The following BAIAP2L1 variants were observed in gnomAD, a reference collection of about 807,000 sequenced individuals.
BAIAP2L1 encodes BAR/IMD domain-containing adapter protein 2-like 1.
A neutral mutation model predicts 66.3 loss-of-function variants in BAIAP2L1; 35 were observed. The ratio of observed to expected loss-of-function variants is 0.53; its 90% CI spans 0.40 to 0.70. The LOEUF (loss-of-function observed/expected upper bound fraction) is 0.70, where lower values mean the gene tolerates loss of function less well. Ranked by LOEUF, BAIAP2L1 falls within the 30% of genes least tolerant of loss-of-function variation. The probability of loss-of-function intolerance (pLI) is 0.00; values close to 1 mark genes in which losing one functional copy is unlikely to be tolerated. For missense variants in BAIAP2L1, 622 were observed against 656.9 expected (o/e 0.95, Z 0.58); for synonymous variants, 269 against 248.7 (o/e 1.08, Z -0.77).
At chr7:98,327,377 T>TAAAA (rs1261345107) in intron 3 of BAIAP2L1, among the ~76,000 whole-genome samples, 2 of 144,156 alleles carry the variant, frequency 1.4e-5, no homozygotes. Context: ...AATAAATAAA[T>TAAAA]AAATAAATAA....
intron 1 of BAIAP2L1, among the ~76,000 whole-genome samples, chr7:98,372,470 CTT>C (rs970520498): frequency 1.3e-5 from 2 of 152,056 alleles, no homozygotes; most frequent in African/African-American, 4.8e-5. Context: ...TATTTTAGTG[CTT>C]TGTTTTTCTC....
At position 98,384,693 on chromosome 7, in the gene BAIAP2L1, CTTTTT is replaced by C. The variant is rs11413562; in HGVS notation, c.51+16104_51+16108del. On this transcript the variant is annotated intron_variant, in intron 1 of 13. Coordinates refer to ENST00000005260, the MANE Select transcript of BAIAP2L1 (RefSeq NM_018842.5). Reference sequence around the variant, plus strand: ...GACTCTGTGAGACAGATCATTCTACCTTTTTTTTTTTTTTTTTTTTGTGAGATGGA... The same window carrying C: ...GACTCTGTGAGACAGATCATTCTACCTTTTTTTTTTTTTTTGTGAGATGGA... 3.3e-3 allele frequency among the ~76,000 whole-genome samples: 387 copies of C among 118,796 alleles called. 1 individual carries two copies. Among genetic ancestry groups the C allele is most frequent in the Non-Finnish European group, 4.4e-3 (271 of 61,154 alleles). 77.9% of individuals were successfully genotyped at this position (118,796 alleles called of 152,430 possible).
At chr7:98,304,149 G>C (rs1800537907) in intron 12 of BAIAP2L1, 47 bp downstream of exon 12, 1 of 1,498,858 alleles carries the variant, frequency 6.7e-7, no homozygotes, top group South Asian at 1.3e-5. Context: ...TCCCAGTCGG[G>C]GATGGCGAGT....
At chr7:98,295,758 C>T (rs1800163532) in intron 12 of BAIAP2L1, among the ~76,000 whole-genome samples, 1 of 152,140 alleles carries the variant, frequency 6.6e-6, no homozygotes, top group Admixed American at 6.5e-5. Context: ...CACCCTCCAC[C>T]CACCCCAAGC....
chr7:98,301,665 G>A (rs960245136), intron 12 of BAIAP2L1, among the ~76,000 whole-genome samples: 1 of 151,806 alleles, frequency 6.6e-6, no homozygotes, highest in African/African-American at 2.4e-5. Context: ...AGATGATGGT[G>A]TGTGTGTGTG....
intron 2 of BAIAP2L1, among the ~76,000 whole-genome samples, chr7:98,355,879 A>C (rs1391355532): frequency 5.3e-5 from 8 of 152,106 alleles, no homozygotes. Flanking sequence ...GCAGTGCTTA[A>C]TTTTTCTATT....
At chr7:98,335,510 A>C (rs529446165) in intron 3 of BAIAP2L1, among the ~76,000 whole-genome samples, 1 of 152,238 alleles carries the variant, frequency 6.6e-6, no homozygotes, top group Non-Finnish European at 1.5e-5. Flanking sequence ...GTGGGGACCA[A>C]GTCTTATTAA....
At chr7:98,362,155 A>AC (rs2115725565) in intron 2 of BAIAP2L1, among the ~76,000 whole-genome samples, 1 of 152,276 alleles carries the variant, frequency 6.6e-6, no homozygotes, top group South Asian at 2.1e-4. Context: ...CACTTAGAGT[A>AC]CCCTCACTTT....
intron 1 of BAIAP2L1, among the ~76,000 whole-genome samples, chr7:98,394,249 A>T (rs926615488): frequency 2.0e-5 from 3 of 151,436 alleles, no homozygotes; most frequent in African/African-American, 7.3e-5. Flanking sequence ...TCAAAAACAA[A>T]CAAACAAACA....
chr7:98,399,918 G>A (rs915255416), intron 1 of BAIAP2L1: 1 of 152,214 alleles, frequency 6.6e-6, no homozygotes, highest in Non-Finnish European at 1.5e-5. Flanking sequence ...CAACTGAAAG[G>A]TGGGAGAGGA....
intron 1 of BAIAP2L1, among the ~76,000 whole-genome samples, chr7:98,366,846 C>T (rs1035876949): frequency 2.6e-5 from 4 of 152,158 alleles, no homozygotes; most frequent in Admixed American, 1.3e-4. Flanking sequence ...TTTTTCTTTG[C>T]TTTGCTTTTT....
Position 98,292,878 on chromosome 7 carries a change from A to G in BAIAP2L1, c.*643T>C. ...TACCAAGAAAAGGAGCTCTCGGAGG[A>G]GATTTCGTCGAGTGCTACGTGTGGC... On this transcript the variant is annotated 3_prime_UTR_variant, in exon 14 of 14. Coordinates refer to ENST00000005260, the MANE Select transcript of BAIAP2L1 (RefSeq NM_018842.5). 1 of 1,441,356 alleles carries G rather than the reference A, an allele frequency of 6.9e-7. No individual in the cohort carries two copies. Among genetic ancestry groups the G allele is most frequent in the Non-Finnish European group, 9.1e-7 (1 of 1,099,004 alleles). 89.3% of individuals were successfully genotyped at this position (1,441,356 alleles called of 1,614,324 possible).
intron 3 of BAIAP2L1, among the ~76,000 whole-genome samples, chr7:98,353,580 CATAT>C (rs950898635): frequency 1.5e-5 from 2 of 132,850 alleles, no homozygotes; most frequent in African/African-American, 2.9e-5. Flanking sequence ...ATTATAAATA[CATAT>C]ATATTTATAT....
chr7:98,373,141 C>A lies in BAIAP2L1; in HGVS notation c.52-10709G>T, dbSNP rs1802548332. Among the ~76,000 whole-genome samples, 3 of 152,180 alleles carry A rather than the reference C, an allele frequency of 2.0e-5. No individual in the cohort carries two copies. In the South Asian group the frequency reaches 6.2e-4, roughly 32 times the overall value. On this transcript the variant is annotated intron_variant, in intron 1 of 13. Coordinates refer to ENST00000005260, the MANE Select transcript of BAIAP2L1 (RefSeq NM_018842.5). ...CATCACCAATACTTGATCACCTGCT[C>A]TTCCTTTAGGGAAAGTATTAGTAAG...
intron 3 of BAIAP2L1, among the ~76,000 whole-genome samples, chr7:98,347,789 GAA>G (rs1801907524): frequency 6.6e-6 from 1 of 151,420 alleles, no homozygotes; most frequent in Admixed American, 6.6e-5. Flanking sequence ...AAAAAAAAAA[GAA>G]ATTAGAAAAA....
intron 5 of BAIAP2L1, 81 bp downstream of exon 5, chr7:98,319,977 G>T: frequency 8.8e-7 from 1 of 1,134,336 alleles, no homozygotes; most frequent in Non-Finnish European, 1.3e-6. Flanking sequence ...CTGCTGATGA[G>T]TCAACAGTGG....
intron 11 of BAIAP2L1, 46 bp from the exon 12 acceptor site, chr7:98,304,422 A>T (rs1562965772): frequency 6.3e-7 from 1 of 1,594,382 alleles, no homozygotes; most frequent in Admixed American, 1.7e-5. Context: ...ATGTCTCACC[A>T]CCAAACCCCA....
chr7:98,381,928 G>GTTTTTT (rs35903783), intron 1 of BAIAP2L1, among the ~76,000 whole-genome samples: 1 of 139,446 alleles, frequency 7.2e-6, no homozygotes, highest in Non-Finnish European at 1.5e-5. Context: ...AAATCTAAGG[G>GTTTTTT]TTTTTTTTTT....
chr7:98,316,946 C>T (rs1397340911), intron 6 of BAIAP2L1, among the ~76,000 whole-genome samples: 1 of 147,058 alleles, frequency 6.8e-6, no homozygotes, highest in Non-Finnish European at 1.5e-5. Context: ...TCACTGCAAC[C>T]TCTGCCTCCC....
Sources: gnomAD v4.1 joint callset for allele counts (sites outside exome capture counted in the v4.1 genomes callset) on GRCh38, gnomAD v4.1.1 for gene constraint, MANE v1.5 for transcripts, NCBI Gene and HGNC (gene_info 2026-07-23, HGNC 2026-07-21) for gene names.